The following PEBP4 variants were observed in gnomAD, a reference collection of about 807,000 sequenced individuals.
PEBP4 encodes the protein phosphatidylethanolamine binding protein 4, also known as phosphatidylethanolamine-binding protein 4.
PEBP4 carries 22 observed loss-of-function variants against 23.9 expected under a neutral mutation model. The ratio of observed to expected loss-of-function variants is 0.92; its 90% confidence interval spans 0.66 to 1.31. The LOEUF is 1.31. PEBP4 is among the 40% of genes most tolerant of loss of function. PEBP4 has a pLI of 0.00. For synonymous variants in PEBP4, 112 were observed against 99.3 expected (o/e 1.13, Z -0.76); for missense variants, 324 against 281.7 (o/e 1.15, Z -1.07).
At chr8:22,940,648 C>G (rs1809600343) in intron 1 of PEBP4, among the ~76,000 whole-genome samples, 1 of 152,074 alleles carries the variant, frequency 6.6e-6, no homozygotes, top group African/African-American at 2.4e-5. Flanking sequence ...ACCACCACGC[C>G]TGGTTAATTT....
intron 3 of PEBP4, among the ~76,000 whole-genome samples, chr8:22,864,184 T>A (rs905117058): frequency 6.6e-6 from 1 of 152,190 alleles, no homozygotes; most frequent in African/African-American, 2.4e-5. Context: ...TTAATTCCAA[T>A]CTCAATTATA....
chr8:22,724,842 C>T lies in PEBP4; in HGVS notation c.517+1G>A. 1.2e-6 allele frequency: 2 copies of T among 1,609,558 alleles called. No homozygotes were observed. Among genetic ancestry groups the T allele is most frequent in the Non-Finnish European group, 1.7e-6 (2 of 1,175,894 alleles). ...TGGCTGGAAGGATGGGGAGGTCTTA[C>T]CTCGAGTTTTGTTTTCCTTGGGAAG... On this transcript the variant is annotated splice_donor_variant, in intron 6 of 6. Transcript: ENST00000256404. LOFTEE classifies it high-confidence loss of function.
intron 4 of PEBP4, 28 bp downstream of exon 4, chr8:22,817,609 G>A (rs763389583): frequency 4.7e-5 from 75 of 1,588,174 alleles, no homozygotes; most frequent in African/African-American, 2.2e-4. Flanking sequence ...CCCCAAATGC[G>A]TCAGAGAGTG....
chr8:22,733,983 A>G (rs577001818), intron 4 of PEBP4, among the ~76,000 whole-genome samples: 1 of 152,304 alleles, frequency 6.6e-6, no homozygotes, highest in South Asian at 2.1e-4. Flanking sequence ...GGAAGAAATG[A>G]GAAAAAAAGG....
intron 3 of PEBP4, among the ~76,000 whole-genome samples, chr8:22,854,825 T>C (rs1017929631): frequency 4.6e-5 from 7 of 152,174 alleles, no homozygotes; most frequent in Admixed American, 3.3e-4. Flanking sequence ...CTCCTGACTC[T>C]TTCTACTGAA....
At chr8:22,746,134 T>TA (rs1554480943) in intron 4 of PEBP4, among the ~76,000 whole-genome samples, 5 of 151,576 alleles carry the variant, frequency 3.3e-5, no homozygotes, top group African/African-American at 1.2e-4. Flanking sequence ...CCTTTTTTTT[T>TA]CCCCTGCAAG....
chr8:22,718,911 C>T (rs1204002798), intron 6 of PEBP4, among the ~76,000 whole-genome samples: 1 of 152,206 alleles, frequency 6.6e-6, no homozygotes, highest in Non-Finnish European at 1.5e-5. Flanking sequence ...TCCTCCCAGC[C>T]TCATCCCTCT....
chr8:22,743,884 G>C (rs550307149), intron 4 of PEBP4, among the ~76,000 whole-genome samples: 1 of 152,194 alleles, frequency 6.6e-6, no homozygotes, highest in African/African-American at 2.4e-5. Context: ...CTGGCCCGCT[G>C]AATCACCAGT....
At chr8:22,902,987 A>G (rs1469361489) in intron 3 of PEBP4, among the ~76,000 whole-genome samples, 3 of 152,042 alleles carry the variant, frequency 2.0e-5, no homozygotes, top group Non-Finnish European at 4.4e-5. Context: ...TTCTCATTAC[A>G]CCGTAGGGAC....
chr8:22,921,364 G>C (rs1218068760), intron 2 of PEBP4, among the ~76,000 whole-genome samples: 4 of 152,188 alleles, frequency 2.6e-5, no homozygotes, highest in Non-Finnish European at 5.9e-5. Context: ...CACCCACAGC[G>C]GTCCACAGTG....
intron 6 of PEBP4, among the ~76,000 whole-genome samples, chr8:22,719,694 G>A (rs1379295280): frequency 6.6e-6 from 1 of 152,206 alleles, no homozygotes; most frequent in East Asian, 1.9e-4. Context: ...GGTAAGTCAT[G>A]CCACTCACTG....
intron 6 of PEBP4, among the ~76,000 whole-genome samples, chr8:22,715,992 G>A (rs147375995): frequency 1.7e-3 from 254 of 152,254 alleles, no homozygotes; most frequent in Admixed American, 3.0e-3. Flanking sequence ...AAAGGGCAGC[G>A]CTGCTGTCTG....
chr8:22,757,912 T>G (rs1199852555), intron 4 of PEBP4: 1 of 152,234 alleles, frequency 6.6e-6, no homozygotes, highest in Non-Finnish European at 1.5e-5. Context: ...GTGCCCAGCT[T>G]CCCTGGCCGG....
chr8:22,818,307 G>T (rs1806788711), intron 3 of PEBP4, among the ~76,000 whole-genome samples: 1 of 152,108 alleles, frequency 6.6e-6, no homozygotes. Flanking sequence ...CTAGGTAAAA[G>T]ACGCAGATAA....
intron 3 of PEBP4, among the ~76,000 whole-genome samples, chr8:22,849,619 G>A (rs1807510381): frequency 6.6e-6 from 1 of 152,202 alleles, no homozygotes; most frequent in Non-Finnish European, 1.5e-5. Flanking sequence ...CTGATGTGTG[G>A]CATTATGTGA....
At chr8:22,715,851 G>A (rs1051510050) in intron 6 of PEBP4, among the ~76,000 whole-genome samples, 1 of 152,230 alleles carries the variant, frequency 6.6e-6, no homozygotes, top group African/African-American at 2.4e-5. Context: ...GGGTGAGTCA[G>A]GCCCTTGGGG....
chr8:22,730,970 C>A (rs1201506225), intron 4 of PEBP4, among the ~76,000 whole-genome samples: 1 of 152,156 alleles, frequency 6.6e-6, no homozygotes, highest in Non-Finnish European at 1.5e-5. Flanking sequence ...TCACTTTGAC[C>A]CTGCTGCCTC....
At chr8:22,716,594 C>G (rs1804424410) in intron 6 of PEBP4, among the ~76,000 whole-genome samples, 1 of 152,226 alleles carries the variant, frequency 6.6e-6, no homozygotes, top group South Asian at 2.1e-4. Flanking sequence ...GTCACTCTCT[C>G]CACCCCAAGC....
chr8:22,934,130 A>G (rs1809501971), intron 1 of PEBP4, among the ~76,000 whole-genome samples: 1 of 152,168 alleles, frequency 6.6e-6, no homozygotes, highest in Non-Finnish European at 1.5e-5. Context: ...TGCCCCCAAG[A>G]TGCAAACACC....
Sources: gnomAD v4.1 joint callset for allele counts (sites outside exome capture counted in the v4.1 genomes callset) on GRCh38, gnomAD v4.1.1 for gene constraint, MANE v1.5 for transcripts, NCBI Gene and HGNC (gene_info 2026-07-23, HGNC 2026-07-21) for gene names.